Variants in TFDP2 observed in about 807,000 individuals in gnomAD.
The protein encoded by TFDP2 is transcription factor Dp-2 (E2F dimerization partner 2).
Under a neutral mutation model 59.3 loss-of-function variants are expected in TFDP2, and 17 were observed. That is an observed-to-expected ratio of 0.29 (90% CI 0.20 to 0.43). The LOEUF (loss-of-function observed/expected upper bound fraction) is 0.43, where lower values mean the gene tolerates loss of function less well. Among genes scored for constraint, TFDP2 ranks in the 20% least tolerant of loss-of-function variants. TFDP2 has a pLI of 1.00. For missense variants in TFDP2, 391 were observed against 528.8 expected, an observed-to-expected ratio of 0.74 and a Z score of 2.56; for synonymous variants, 180 against 194.7, an observed-to-expected ratio of 0.92 and a Z score of 0.63.
intron 1 of TFDP2, among the ~76,000 whole-genome samples, chr3:142,140,196 T>C (rs2062892652): frequency 6.6e-6 from 1 of 152,206 alleles, no homozygotes; most frequent in Non-Finnish European, 1.5e-5. Flanking sequence ...GAAGTTCTCA[T>C]GCCATGGTTT....
chr3:142,030,928 G>C (rs560323237), intron 3 of TFDP2, among the ~76,000 whole-genome samples: 4 of 151,080 alleles, frequency 2.6e-5, no homozygotes, highest in Non-Finnish European at 5.9e-5. Flanking sequence ...ATTTTTAGTA[G>C]AGACAGGGTT....
intron 9 of TFDP2, among the ~76,000 whole-genome samples, chr3:141,969,766 TAAAC>T (rs1559944463): frequency 6.6e-6 from 1 of 152,178 alleles, no homozygotes; most frequent in Non-Finnish European, 1.5e-5. Context: ...CGGGCTAAAA[TAAAC>T]AAACACAAAA....
At chr3:142,020,535 G>A (rs1421183690) in intron 3 of TFDP2, among the ~76,000 whole-genome samples, 12 of 150,778 alleles carry the variant, frequency 8.0e-5, no homozygotes, top group African/African-American at 1.2e-4. Context: ...ACTCCGTCTC[G>A]GGGGGGAAAA....
intron 9 of TFDP2, 127 bp downstream of exon 9, chr3:141,969,946 G>C: frequency 2.3e-6 from 2 of 866,580 alleles, no homozygotes; most frequent in Non-Finnish European, 3.9e-6. Context: ...TAGGAGGTGA[G>C]AGAGGCTGCC....
chr3:142,068,567 C>CTT (rs1020201040), intron 3 of TFDP2, among the ~76,000 whole-genome samples: 2 of 144,190 alleles, frequency 1.4e-5, no homozygotes. Context: ...TTATTTCTCA[C>CTT]TTTTTTTTTT....
At chr3:142,006,323 T>C (rs992799732) in intron 3 of TFDP2, among the ~76,000 whole-genome samples, 2 of 152,132 alleles carry the variant, frequency 1.3e-5, no homozygotes, top group African/African-American at 4.8e-5. Context: ...AGATCATCCA[T>C]GAAGTATGTG....
At chr3:142,116,059 T>G (rs1338805247) in intron 1 of TFDP2, among the ~76,000 whole-genome samples, 1 of 150,664 alleles carries the variant, frequency 6.6e-6, no homozygotes, top group Non-Finnish European at 1.5e-5. Context: ...GTATTCATTT[T>G]GCAACTTTTT....
chr3:142,133,091 A>G (rs1325915646), intron 1 of TFDP2, among the ~76,000 whole-genome samples: 1 of 150,372 alleles, frequency 6.7e-6, no homozygotes, highest in African/African-American at 2.5e-5. Context: ...CAGACATTAA[A>G]ACCTACTATA....
intron 3 of TFDP2, among the ~76,000 whole-genome samples, chr3:142,032,533 C>T (rs556355092): frequency 1.1e-4 from 16 of 152,326 alleles, no homozygotes; most frequent in Non-Finnish European, 2.1e-4. Context: ...GAAATTTATA[C>T]TTCTAGCCCT....
chr3:141,959,115 G>A (rs946410851), intron 11 of TFDP2, among the ~76,000 whole-genome samples: 1 of 151,892 alleles, frequency 6.6e-6, no homozygotes, highest in Admixed American at 6.6e-5. Flanking sequence ...ATCACGCCCG[G>A]CTAATTTTTT....
At chr3:142,104,978 T>C (rs757280675) in intron 1 of TFDP2, among the ~76,000 whole-genome samples, 131 of 152,274 alleles carry the variant, frequency 8.6e-4, no homozygotes, top group Non-Finnish European at 1.4e-3. Context: ...TGATACTTAG[T>C]TGTGTGATCC....
At chr3:141,953,228 G>A (rs976342621) in intron 11 of TFDP2, among the ~76,000 whole-genome samples, 4 of 152,050 alleles carry the variant, frequency 2.6e-5, no homozygotes, top group Non-Finnish European at 5.9e-5. Flanking sequence ...AAAAAATACG[G>A]GAAGGCAGCT....
chr3:142,064,416 G>C lies in TFDP2; in HGVS notation c.82+28645C>G, dbSNP rs79260984. 1.2e-3 allele frequency among the ~76,000 whole-genome samples: 190 copies of C among 152,124 alleles called. 1 individual carries two copies. Among genetic ancestry groups the C allele is most frequent in the African/African-American group, 4.3e-3 (179 of 41,496 alleles). On this transcript the variant is annotated intron_variant, in intron 3 of 12. Coordinates refer to ENST00000489671, the MANE Select transcript of TFDP2 (RefSeq NM_001178139.2). ...GACTCTCATGCTTGATAAAATTCGA[G>C]AACTACTGACTTAAAGTATTCCCAA...
At chr3:142,079,739 C>T (rs1229887900) in intron 3 of TFDP2, among the ~76,000 whole-genome samples, 1 of 152,118 alleles carries the variant, frequency 6.6e-6, no homozygotes, top group Admixed American at 6.5e-5. Context: ...AGTGGCGTGA[C>T]ATATTTAAAG....
chr3:142,063,434 T>C (rs1443495400), intron 3 of TFDP2, among the ~76,000 whole-genome samples: 1 of 152,230 alleles, frequency 6.6e-6, no homozygotes, highest in Non-Finnish European at 1.5e-5. Flanking sequence ...ATCATATACA[T>C]ACATACACAG....
chr3:142,104,594 T>C (rs1444728404), intron 1 of TFDP2, among the ~76,000 whole-genome samples: 1 of 152,156 alleles, frequency 6.6e-6, no homozygotes. Flanking sequence ...AAAAGTCATA[T>C]ATTTAGCTAT....
In TFDP2 at chr3:142,004,487, G is replaced by A. The variant is rs1262891570; in HGVS notation, c.186+954C>T. Among the ~76,000 whole-genome samples the A allele has an allele frequency of 3.9e-5, 6 of 152,198 alleles. No homozygotes were observed. The East Asian group carries it at 1.2e-3, about 29-fold the overall frequency. On this transcript the variant is annotated intron_variant, in intron 4 of 12. Coordinates refer to ENST00000489671, the MANE Select transcript of TFDP2 (RefSeq NM_001178139.2). The stretch of plus-strand genomic sequence containing the variant: ...AAATGTTTGAGTACTTTTACTAATG[G>A]TGGGTGAGGCCATTTAGACATAGTT...
At chr3:141,975,478 A>G (rs1277322329) in intron 7 of TFDP2, among the ~76,000 whole-genome samples, 1 of 151,994 alleles carries the variant, frequency 6.6e-6, no homozygotes, top group Non-Finnish European at 1.5e-5. Flanking sequence ...GGATCACCTG[A>G]GGTCAGGAGT....
chr3:142,057,284 C>T (rs1048674170), intron 3 of TFDP2, among the ~76,000 whole-genome samples: 5 of 151,898 alleles, frequency 3.3e-5, no homozygotes, highest in African/African-American at 9.7e-5. Context: ...TTTTTAAAGA[C>T]GAAATTTAAA....
Sources: allele counts gnomAD v4.1 joint callset (sites outside exome capture counted in the v4.1 genomes callset), GRCh38; gene constraint gnomAD v4.1.1; transcripts MANE v1.5; gene names NCBI Gene and HGNC (gene_info 2026-07-23, HGNC 2026-07-21).